TRIM2: variants seen among roughly 807,000 people sequenced by gnomAD.
The protein encoded by TRIM2 is tripartite motif-containing protein 2.
In TRIM2, 20 loss-of-function variants were observed where a neutral mutation model predicts 75.2. The observed-to-expected ratio is 0.27, with a 90% CI of 0.19 to 0.39. The LOEUF (loss-of-function observed/expected upper bound fraction) is 0.39, where lower values mean the gene tolerates loss of function less well. Ranked by LOEUF, TRIM2 falls within the 10% of genes least tolerant of loss-of-function variation. The probability of loss-of-function intolerance (pLI) is 1.00; values close to 1 mark genes in which losing one functional copy is unlikely to be tolerated. For synonymous variants in TRIM2, 373 were observed against 388.3 expected (o/e 0.96, Z 0.46); for missense variants, 660 against 990.8 (o/e 0.67, Z 4.48).
At chr4:153,255,167 G>A (rs1033321520) in intron 1 of TRIM2, among the ~76,000 whole-genome samples, 1 of 152,110 alleles carries the variant, frequency 6.6e-6, no homozygotes, top group African/African-American at 2.4e-5. Flanking sequence ...CCTCCCTGAG[G>A]GCTCAGAAAT....
rs1730658878 is a variant in TRIM2 at position 153,169,701 on chromosome 4, T to C, written c.-49+16431T>C. Among the ~76,000 whole-genome samples the C allele has an allele frequency of 2.6e-5, 4 of 152,340 alleles. 1 individual carries two copies. In the East Asian group the frequency reaches 5.8e-4, roughly 22 times the overall value. ...TAAAGATTTTAATATTGATGAAAGC[T>C]CTCTGTGATTCTTCACTCTAACATT... On this transcript the variant is annotated intron_variant, in intron 1 of 11. Coordinates refer to the TRIM2 transcript ENST00000437508.
chr4:153,252,696 G>A (rs1030604231), intron 1 of TRIM2, among the ~76,000 whole-genome samples: 1 of 152,158 alleles, frequency 6.6e-6, no homozygotes, highest in African/African-American at 2.4e-5. Flanking sequence ...TTTTATTAGT[G>A]ACGGGGTTTC....
At chr4:153,206,660 T>C (rs1735520781) in intron 1 of TRIM2, among the ~76,000 whole-genome samples, 1 of 152,008 alleles carries the variant, frequency 6.6e-6, no homozygotes, top group Non-Finnish European at 1.5e-5. Context: ...GGTGATTGAG[T>C]CAACCTCCTG....
chr4:153,286,738 G>A (rs1760703296), intron 3 of TRIM2, among the ~76,000 whole-genome samples: 1 of 147,648 alleles, frequency 6.8e-6, no homozygotes, highest in Non-Finnish European at 1.5e-5. Flanking sequence ...CACCACCCCT[G>A]CCACACACAC....
At chr4:153,294,622 A>C (rs1762428598) in intron 5 of TRIM2, 137 bp downstream of exon 5, 1 of 932,126 alleles carries the variant, frequency 1.1e-6, no homozygotes, top group African/African-American at 1.7e-5. Flanking sequence ...TGAATGTAAT[A>C]TCCAGCTATT....
chr4:153,322,945 T>C, intron 9 of TRIM2, 129 bp downstream of exon 9: 1 of 1,288,618 alleles, frequency 7.8e-7, no homozygotes, highest in Non-Finnish European at 1.1e-6. Context: ...ATGCTGGGGA[T>C]AAAATCTAAG....
At chr4:153,308,717 C>T in intron 6 of TRIM2, 1 of 553,364 alleles carries the variant, frequency 1.8e-6, no homozygotes, top group South Asian at 1.4e-5. Flanking sequence ...GTAGAGTGTT[C>T]ACCCTCCAAG....
intron 1 of TRIM2, among the ~76,000 whole-genome samples, chr4:153,244,355 C>CTCTTCTTCTTCTTCTTCTTCTTCT (rs1209366783): frequency 1.1e-3 from 14 of 12,700 alleles, no homozygotes; most frequent in African/African-American, 1.5e-3. Context: ...CTTCTTCTTC[C>CTCTTCTTCTTCTTCTTCTTCTTCT]TCTTCTTCTT....
intron 6 of TRIM2, among the ~76,000 whole-genome samples, chr4:153,311,239 T>C (rs906506988): frequency 1.3e-5 from 2 of 152,212 alleles, no homozygotes; most frequent in Non-Finnish European, 1.5e-5. Context: ...TTAGTACTTT[T>C]TCCTCATATT....
At chr4:153,297,848 G>A (rs1172877018) in intron 6 of TRIM2, among the ~76,000 whole-genome samples, 2 of 152,206 alleles carry the variant, frequency 1.3e-5, no homozygotes, top group African/African-American at 2.4e-5. Context: ...AAATCTTAAG[G>A]TTGCTGTTGG....
chr4:153,233,978 C>G lies in TRIM2; in HGVS notation c.30+29418C>G, dbSNP rs151244000. Among the ~76,000 whole-genome samples, 298 of 152,274 alleles carry G rather than the reference C, an allele frequency of 2.0e-3. 2 individuals are homozygous for G. The highest frequency in any genetic ancestry group is 6.5e-3 in the African/African-American group (270 of 41,562). The stretch of plus-strand genomic sequence containing the variant: ...TTGGGATATGTGCCCAAATCCTGCT[C>G]TAATGTAATACCATAGCAATTTTAG... On this transcript the variant is annotated intron_variant, in intron 1 of 11. Transcript: ENST00000338700.
At chr4:153,329,246 G>A (rs538758750) in intron 11 of TRIM2, among the ~76,000 whole-genome samples, 1 of 151,738 alleles carries the variant, frequency 6.6e-6, no homozygotes. Context: ...TTTTAATATG[G>A]TTTTTTACAA....
At position 153,280,384 on chromosome 4, in the gene TRIM2, CTTT is replaced by C. The variant is rs3048122; in HGVS notation, c.453+4268_453+4270del. On this transcript the variant is annotated intron_variant, in intron 3 of 11. Transcript: ENST00000338700. ...TTAATTAAAATACCCCAGCAAATTC[CTTT>C]TTTTTTTTTTTTTGCTGGGTCTCAC... Among the ~76,000 whole-genome samples, 93 of 116,948 alleles carry C rather than the reference CTTT, an allele frequency of 8.0e-4. 2 individuals carry two copies. Among genetic ancestry groups the C allele is most frequent in the African/African-American group, 1.4e-3 (42 of 29,076 alleles). 76.7% of individuals were successfully genotyped at this position (116,948 alleles called of 152,430 possible).
intron 1 of TRIM2, among the ~76,000 whole-genome samples, chr4:153,217,373 G>GTC (rs1171377249): frequency 1.3e-5 from 2 of 152,106 alleles, no homozygotes; most frequent in African/African-American, 4.8e-5. Context: ...AATTCGTCAG[G>GTC]AACAGGCAAG....
chr4:153,212,919 A>G (rs1230628317), intron 1 of TRIM2, among the ~76,000 whole-genome samples: 29 of 152,158 alleles, frequency 1.9e-4, no homozygotes, highest in Admixed American at 1.9e-3. Context: ...TGCATCAGTC[A>G]TTTTGTCTAT....
Position 153,315,498 on chromosome 4 carries a change from A to G in TRIM2, c.1524A>G (p.Arg508=), listed in dbSNP as rs373556833. The change falls in exon 7 of 12, where the codon AGA becomes AGG. Residue 508 remains arginine, a synonymous_variant. Transcript: ENST00000338700. ...DLIFRVGTKG[R]NKGEFTNLQG... ...CATTTATTTTAGGTACCAAAGGAAGAAATAAAGGAGAGTTTACAAATCTTC... is the reference window on the plus strand; with the variant it reads ...CATTTATTTTAGGTACCAAAGGAAGGAATAAAGGAGAGTTTACAAATCTTC... 34 of 1,601,472 alleles carry G rather than the reference A, an allele frequency of 2.1e-5. No homozygotes were observed. The highest frequency in any genetic ancestry group is 2.5e-5 in the Non-Finnish European group (29 of 1,176,998).
At chr4:153,169,283 G>A (rs1730612954) in intron 1 of TRIM2, among the ~76,000 whole-genome samples, 1 of 152,210 alleles carries the variant, frequency 6.6e-6, no homozygotes, top group South Asian at 2.1e-4. Flanking sequence ...ATTTCAGGCA[G>A]AGTCTTGAAA....
chr4:153,277,178 C>T (rs1242078324), intron 3 of TRIM2, among the ~76,000 whole-genome samples: 1 of 152,236 alleles, frequency 6.6e-6, no homozygotes, highest in African/African-American at 2.4e-5. Flanking sequence ...CTAGAACCTG[C>T]CAAATGGTTT....
In TRIM2 at chr4:153,295,678, G is replaced by A; in HGVS notation, c.1152G>A (p.Leu384=). 1 of 1,614,036 alleles carries A rather than the reference G, an allele frequency of 6.2e-7. No homozygotes were observed. The highest frequency in any genetic ancestry group is 1.1e-5 in the South Asian group (1 of 91,056). ...TITTKDKDGE[L]CKTGNAYLTA... is the part of the protein sequence containing the mutation. ...CCACCAAGGACAAAGACGGTGAGCT[G>A]TGCAAAACCGGCAACGCCTACCTCA... The change falls in exon 6 of 12, where the codon CTG becomes CTA. Residue 384 remains leucine, a synonymous_variant. Coordinates refer to ENST00000338700, the MANE Select transcript of TRIM2 (RefSeq NM_015271.5). The surrounding 1 kb of genome is among the most constrained non-coding windows in gnomAD (Gnocchi z 7.2).
Sources: gnomAD v4.1 joint callset for allele counts (sites outside exome capture counted in the v4.1 genomes callset) on GRCh38, gnomAD v4.1.1 for gene constraint, Gnocchi (gnomAD v3.1) non-coding constraint, MANE v1.5 for transcripts, NCBI Gene and HGNC (gene_info 2026-07-23, HGNC 2026-07-21) for gene names.